The following LRBA variants were observed in gnomAD, a reference collection of about 807,000 sequenced individuals.
LRBA encodes the protein LPS responsive beige-like anchor protein.
Under a neutral mutation model 330.0 loss-of-function variants are expected in LRBA, and 176 were observed. The observed-to-expected ratio is 0.53, with a 90% CI of 0.47 to 0.60. The LOEUF (loss-of-function observed/expected upper bound fraction) is 0.60, where lower values mean the gene tolerates loss of function less well. Ranked by LOEUF, LRBA falls within the 20% of genes least tolerant of loss-of-function variation. The pLI, the probability that LRBA is intolerant of heterozygous loss-of-function variation, is 0.00. For missense variants in LRBA, 3,259 were observed against 3,444.8 expected, an observed-to-expected ratio of 0.95 and a Z score of 1.35; for synonymous variants, 1,230 against 1,193.0, an observed-to-expected ratio of 1.03 and a Z score of -0.64.
chr4:150,903,171 C>T (rs954344758), intron 13 of LRBA, among the ~76,000 whole-genome samples: 6 of 151,974 alleles, frequency 3.9e-5, no homozygotes, highest in African/African-American at 7.3e-5. Flanking sequence ...TGCTTGAGGC[C>T]GGAAGTTCGA....
At chr4:150,939,832 A>T (rs1735474003) in intron 2 of LRBA, among the ~76,000 whole-genome samples, 1 of 152,146 alleles carries the variant, frequency 6.6e-6, no homozygotes, top group Admixed American at 6.5e-5. Context: ...ACTCCAAATA[A>T]TGGAAAGGAG....
chr4:150,330,055 T>G (rs1205737323), intron 48 of LRBA, among the ~76,000 whole-genome samples: 2 of 152,198 alleles, frequency 1.3e-5, no homozygotes, highest in African/African-American at 4.8e-5. Context: ...TCTGATCAAA[T>G]GTCTTCAAGT....
chr4:150,664,424 G>A (rs1781390757), intron 37 of LRBA, among the ~76,000 whole-genome samples: 1 of 152,116 alleles, frequency 6.6e-6, no homozygotes, highest in Non-Finnish European at 1.5e-5. Flanking sequence ...TAATACAAGT[G>A]TATCATAAAG....
At chr4:150,291,890 G>C (rs1200803459) in intron 53 of LRBA, among the ~76,000 whole-genome samples, 1 of 152,118 alleles carries the variant, frequency 6.6e-6, no homozygotes. Flanking sequence ...ATACTATGCA[G>C]CCATAAAAAA....
chr4:150,903,704 T>C (rs554350230), intron 13 of LRBA, among the ~76,000 whole-genome samples: 4 of 152,122 alleles, frequency 2.6e-5, no homozygotes, highest in Non-Finnish European at 4.4e-5. Context: ...CCCACCTTAG[T>C]GACACAGTGA....
In LRBA at chr4:150,997,257, A is replaced by G. The variant is rs183504580; in HGVS notation, c.216+17170T>C. ...ACTTGGCTAAATTGAAAATTTTCTG[A>G]AATACTTTATGTAAATAAAGAAACA... On this transcript the variant is annotated intron_variant, in intron 2 of 56. Transcript: ENST00000651943. Among the ~76,000 whole-genome samples the G allele has an allele frequency of 3.3e-3, 497 of 152,314 alleles. 3 individuals are homozygous for G. The highest frequency in any genetic ancestry group is 5.2e-3 in the Non-Finnish European group (353 of 68,020).
Position 150,908,748 on chromosome 4 carries a change from C to T in LRBA, c.1271G>A (p.Arg424Gln), listed in dbSNP as rs758011413. Residue 424 changes from arginine (R) to glutamine (Q), a missense_variant, in exon 10 of 57, where the codon CGG becomes CAG. Physicochemically the swap from Arg to Gln is conservative, Grantham distance 43. Transcript: ENST00000651943. ...AAGACAAAGCTGGGCATCTGTAGCCCGTGGATTGTACGTGAATGCAATGGC... is the reference window on the plus strand; with the variant it reads ...AAGACAAAGCTGGGCATCTGTAGCCTGTGGATTGTACGTGAATGCAATGGC... ...SSAIAFTYNP[R>Q]ATDAQLCLES... The T allele has an allele frequency of 6.2e-6, 10 of 1,613,692 alleles. No individual in the cohort carries two copies. Among genetic ancestry groups the T allele is most frequent in the East Asian group, 4.5e-5 (2 of 44,866 alleles).
intron 45 of LRBA, among the ~76,000 whole-genome samples, chr4:150,436,465 T>G (rs774850658): frequency 2.0e-5 from 3 of 152,170 alleles, no homozygotes; most frequent in Non-Finnish European, 4.4e-5. Flanking sequence ...TTAAAAGAAT[T>G]TATGCTACAA....
chr4:150,993,981 C>T (rs981687144), intron 2 of LRBA, among the ~76,000 whole-genome samples: 2 of 151,372 alleles, frequency 1.3e-5, no homozygotes, highest in East Asian at 1.9e-4. Context: ...AGGAGAATTG[C>T]CTGAACCTGG....
intron 53 of LRBA, among the ~76,000 whole-genome samples, chr4:150,288,745 C>T (rs1748482160): frequency 6.7e-6 from 1 of 149,478 alleles, no homozygotes; most frequent in Admixed American, 6.7e-5. Context: ...TTTTTACCAG[C>T]AATTAAAATC....
chr4:150,775,608 T>A (rs1359824571), intron 34 of LRBA, among the ~76,000 whole-genome samples: 3 of 151,180 alleles, frequency 2.0e-5, no homozygotes, highest in African/African-American at 7.3e-5. Context: ...CAGACTAGAT[T>A]GGAATAGGAA....
intron 47 of LRBA, among the ~76,000 whole-genome samples, chr4:150,393,355 TC>T (rs1395820926): frequency 6.6e-6 from 1 of 151,900 alleles, no homozygotes; most frequent in Non-Finnish European, 1.5e-5. Flanking sequence ...TTAATGCTTT[TC>T]TCTACTTGCA....
chr4:150,893,715 G>A (rs532942589), intron 16 of LRBA, among the ~76,000 whole-genome samples: 40 of 151,730 alleles, frequency 2.6e-4, no homozygotes, highest in South Asian at 2.1e-3. Context: ...TTGCTGTGTC[G>A]CCCAGGCTGG....
intron 40 of LRBA, among the ~76,000 whole-genome samples, chr4:150,503,648 G>A (rs1760614149): frequency 6.6e-6 from 1 of 152,262 alleles, no homozygotes; most frequent in Non-Finnish European, 1.5e-5. Flanking sequence ...GGAAAAAACA[G>A]AGCAGAAAAA....
chr4:150,310,401 G>A lies in LRBA; in HGVS notation c.7694-17C>T, dbSNP rs2126879816. 1 of 1,601,792 alleles carries A rather than the reference G, an allele frequency of 6.2e-7. No individual in the cohort carries two copies. Among genetic ancestry groups the A allele is most frequent in the Non-Finnish European group, 8.5e-7 (1 of 1,171,196 alleles). On this transcript the variant is annotated splice_polypyrimidine_tract_variant and intron_variant, in intron 51 of 56. Coordinates refer to ENST00000651943, the MANE Select transcript of LRBA (RefSeq NM_001364905.1). ...TATTGCTGGCTGTAAGAATAGGGAG[G>A]AAAAACAACTATTAAATCCACATGG...
At chr4:150,266,922 C>T (rs1394457023) in intron 56 of LRBA, among the ~76,000 whole-genome samples, 61 of 152,098 alleles carry the variant, frequency 4.0e-4, no homozygotes, top group Non-Finnish European at 6.9e-4. Context: ...ACACTAATAT[C>T]AGACAAAATA....
chr4:150,809,896 ATACGATAC>A (rs1743425323), intron 31 of LRBA, among the ~76,000 whole-genome samples: 2 of 150,150 alleles, frequency 1.3e-5, no homozygotes, highest in Non-Finnish European at 3.0e-5. Flanking sequence ...ATACGATACG[ATACGATAC>A]GATACGATAC....
chr4:150,266,770 T>C (rs1324425386), intron 56 of LRBA, among the ~76,000 whole-genome samples: 3 of 152,158 alleles, frequency 2.0e-5, no homozygotes, highest in Non-Finnish European at 4.4e-5. Context: ...AAGGAAGAGA[T>C]TGGCAGAATG....
chr4:150,524,516 G>C (rs894476303), intron 40 of LRBA, among the ~76,000 whole-genome samples: 1 of 152,090 alleles, frequency 6.6e-6, no homozygotes, highest in South Asian at 2.1e-4. Context: ...AAATAAACCA[G>C]CCCAAGCATA....
Sources: gnomAD v4.1 joint callset for allele counts (sites outside exome capture counted in the v4.1 genomes callset) on GRCh38, gnomAD v4.1.1 for gene constraint, MANE v1.5 for transcripts, NCBI Gene and HGNC (gene_info 2026-07-23, HGNC 2026-07-21) for gene names.